PDE8B: variants seen among roughly 807,000 people sequenced by gnomAD.
PDE8B encodes phosphodiesterase 8B, also known as high affinity cAMP-specific and IBMX-insensitive 3',5'-cyclic phosphodiesterase 8B.
A neutral mutation model predicts 101.3 loss-of-function variants in PDE8B; 26 were observed. The observed-to-expected ratio is 0.26, with a 90% confidence interval of 0.19 to 0.36. The LOEUF is 0.36. Ranked by LOEUF, PDE8B falls within the 10% of genes least tolerant of loss-of-function variation. The probability of loss-of-function intolerance (pLI) is 1.00; values close to 1 mark genes in which losing one functional copy is unlikely to be tolerated. For missense variants in PDE8B, 810 were observed against 1,163.1 expected (o/e 0.70, Z 4.42); for synonymous variants, 424 against 429.3 (o/e 0.99, Z 0.15).
the PDE8B span, among the ~76,000 whole-genome samples, chr5:77,096,405 C>T: frequency 6.6e-6 from 1 of 152,088 alleles, no homozygotes; most frequent in Admixed American, 6.5e-5. Flanking sequence ...AACAGAACAC[C>T]TGAGACTGGG....
chr5:77,102,939 A>T, the PDE8B span, among the ~76,000 whole-genome samples: 78 of 152,320 alleles, frequency 5.1e-4, no homozygotes, highest in African/African-American at 1.8e-3. Context: ...ACGTGGTCAG[A>T]GTAGGTCGGG....
the PDE8B span, chr5:77,145,325 C>A: frequency 6.6e-6 from 1 of 152,218 alleles, no homozygotes; most frequent in African/African-American, 2.4e-5. Flanking sequence ...GAGGGAAGAA[C>A]TGTTAAACAA....
the PDE8B span, among the ~76,000 whole-genome samples, chr5:77,203,309 A>G: frequency 6.6e-6 from 1 of 152,184 alleles, no homozygotes; most frequent in Non-Finnish European, 1.5e-5. Flanking sequence ...CTCCCGGATA[A>G]TTTCCACCCA....
intron 10 of PDE8B, among the ~76,000 whole-genome samples, chr5:77,399,874 A>AGAT (rs1230694559): frequency 6.6e-6 from 1 of 152,232 alleles, no homozygotes; most frequent in Admixed American, 6.5e-5. Context: ...TTTATAACGT[A>AGAT]TCTGAAACAA....
At chr5:77,107,819 T>C in the PDE8B span, among the ~76,000 whole-genome samples, 1 of 152,208 alleles carries the variant, frequency 6.6e-6, no homozygotes, top group Non-Finnish European at 1.5e-5. Context: ...TTAATATATA[T>C]CTAACCTTCA....
At chr5:77,175,910 A>G in the PDE8B span, among the ~76,000 whole-genome samples, 2 of 152,184 alleles carry the variant, frequency 1.3e-5, no homozygotes, top group Non-Finnish European at 2.9e-5. Context: ...CATCATCAAC[A>G]TCTTCAATCT....
At chr5:77,178,178 A>G in the PDE8B span, among the ~76,000 whole-genome samples, 22 of 152,150 alleles carry the variant, frequency 1.4e-4, no homozygotes, top group Admixed American at 1.2e-3. Flanking sequence ...TTTCTTTTAT[A>G]GATAGAAGAG....
intron 1 of PDE8B, among the ~76,000 whole-genome samples, chr5:77,310,740 TTGAGTTTTC>T (rs1268238459): frequency 6.6e-6 from 1 of 152,028 alleles, no homozygotes; most frequent in Non-Finnish European, 1.5e-5. Flanking sequence ...AGAGGGCTCT[TTGAGTTTTC>T]TGCTGGCTGG....
In PDE8B at chr5:77,211,009, G is replaced by C. The variant is rs758801937; in HGVS notation, c.84G>C (p.Gln28His). The C allele has an allele frequency of 6.5e-7, 1 of 1,549,428 alleles. No individual in the cohort carries two copies. The highest frequency in any genetic ancestry group is 1.2e-5 in the South Asian group (1 of 85,428). ...CGGACGAGTCCAGCTCGCCCCGCCAGACCACCAGCGTGTCGCAGGGCCCGG... is the reference window on the plus strand; with the variant it reads ...CGGACGAGTCCAGCTCGCCCCGCCACACCACCAGCGTGTCGCAGGGCCCGG... ...RDSDESSSPR[Q>H]TTSVSQGPAA... is the part of the protein sequence containing the mutation. The change falls in exon 1 of 22, where the codon CAG (glutamine) becomes CAC (histidine). Residue 28 changes from glutamine (Q) to histidine (H), a missense_variant. Gln to His is a conservative substitution (Grantham distance 24). Transcript: ENST00000264917. This position sits in a 1 kb window ranked among gnomAD's most constrained non-coding sequence, Gnocchi z 4.1.
At chr5:77,333,047 G>A (rs1049623838) in intron 5 of PDE8B, among the ~76,000 whole-genome samples, 20 of 151,896 alleles carry the variant, frequency 1.3e-4, no homozygotes. Flanking sequence ...TTGTGATGCA[G>A]TTGTTTTGTG....
chr5:77,237,410 T>C (rs540204111), intron 1 of PDE8B, among the ~76,000 whole-genome samples: 56 of 152,220 alleles, frequency 3.7e-4, no homozygotes, highest in African/African-American at 1.3e-3. Context: ...TTTGTGTAGA[T>C]TTTTTAGTGG....
intron 1 of PDE8B, among the ~76,000 whole-genome samples, chr5:77,231,659 C>G (rs938897821): frequency 6.6e-6 from 1 of 152,184 alleles, no homozygotes; most frequent in African/African-American, 2.4e-5. Flanking sequence ...CAGCTCACCC[C>G]CAGATGGTTC....
At chr5:77,156,351 G>T in the PDE8B span, among the ~76,000 whole-genome samples, 1 of 152,298 alleles carries the variant, frequency 6.6e-6, no homozygotes, top group East Asian at 1.9e-4. Context: ...AGAGGGGAAT[G>T]AACCCCAAGC....
At chr5:77,293,249 A>G (rs1358840349) in intron 1 of PDE8B, among the ~76,000 whole-genome samples, 2 of 152,092 alleles carry the variant, frequency 1.3e-5, no homozygotes, top group Non-Finnish European at 2.9e-5. Flanking sequence ...TACTATTTTG[A>G]TAGTTGTATC....
At position 77,351,060 on chromosome 5, in the gene PDE8B, T is replaced by C. The variant is rs1022624355; in HGVS notation, c.1018-5T>C. Reference sequence around the variant, plus strand: ...GGATTTTAAGAGCTCTCTTTGTCCATGTAGGAGTGGCAGGGGGTTTACTAT... The same window carrying C: ...GGATTTTAAGAGCTCTCTTTGTCCACGTAGGAGTGGCAGGGGGTTTACTAT... On this transcript the variant is annotated splice_region_variant and splice_polypyrimidine_tract_variant and intron_variant, in intron 8 of 21. Coordinates refer to ENST00000264917, the MANE Select transcript of PDE8B (RefSeq NM_003719.5). 1.2e-6 allele frequency: 2 copies of C among 1,610,218 alleles called. No individual in the cohort carries two copies. The highest frequency in any genetic ancestry group is 1.7e-6 in the Non-Finnish European group (2 of 1,176,458).
chr5:77,282,976 A>G (rs1164783886), intron 1 of PDE8B, among the ~76,000 whole-genome samples: 1 of 152,034 alleles, frequency 6.6e-6, no homozygotes, highest in African/African-American at 2.4e-5. Flanking sequence ...CCTGGCCCAG[A>G]CCTGTCCAAC....
At chr5:77,252,150 C>T (rs1290063333) in intron 1 of PDE8B, among the ~76,000 whole-genome samples, 1 of 152,166 alleles carries the variant, frequency 6.6e-6, no homozygotes, top group Non-Finnish European at 1.5e-5. Flanking sequence ...CTAGATGACT[C>T]GTTGCTGCAA....
intron 2 of PDE8B, among the ~76,000 whole-genome samples, chr5:77,312,604 G>A (rs574011380): frequency 2.0e-5 from 3 of 152,334 alleles, no homozygotes; most frequent in South Asian, 2.1e-4. Flanking sequence ...CAACTGGGTG[G>A]GAATCTTGGC....
At chr5:77,217,512 G>T (rs1282719028) in intron 1 of PDE8B, among the ~76,000 whole-genome samples, 3 of 152,010 alleles carry the variant, frequency 2.0e-5, no homozygotes, top group Non-Finnish European at 4.4e-5. Context: ...TGGAAGTCTT[G>T]GTAGTTATGT....
Sources: gnomAD v4.1 joint callset for allele counts (sites outside exome capture counted in the v4.1 genomes callset) on GRCh38, gnomAD v4.1.1 for gene constraint, Gnocchi (gnomAD v3.1) non-coding constraint, MANE v1.5 for transcripts, NCBI Gene and HGNC (gene_info 2026-07-23, HGNC 2026-07-21) for gene names.